COMMD6: variants seen among roughly 807,000 people sequenced by gnomAD.
COMMD6 encodes the protein COMM domain-containing protein 6.
A neutral mutation model predicts 13.4 loss-of-function variants in COMMD6; 11 were observed. The ratio of observed to expected loss-of-function variants is 0.82; its 90% confidence interval spans 0.52 to 1.36. COMMD6 has a LOEUF of 1.36. Ranked by LOEUF, COMMD6 falls within the 40% of genes most tolerant of loss-of-function variation. The pLI is 0.00. For synonymous variants in COMMD6, 43 were observed against 36.5 expected (o/e 1.18, Z -0.64); for missense variants, 124 against 102.4 (o/e 1.21, Z -0.91).
At chr13:75,546,756 T>C (rs868443912) in intron 1 of COMMD6, among the ~76,000 whole-genome samples, 2 of 152,260 alleles carry the variant, frequency 1.3e-5, no homozygotes, top group Non-Finnish European at 2.9e-5. Flanking sequence ...CTATATTTAA[T>C]TGAAAACTGT....
chr13:75,526,647 G>C lies in COMMD6; in HGVS notation c.208-8C>G. The stretch of plus-strand genomic sequence containing the variant: ...GAACTGTCTGTAGAAATTCTGGAGA[G>C]AAAGGGGGAAAATAATATTAATTTT... On this transcript the variant is annotated splice_polypyrimidine_tract_variant and splice_region_variant and intron_variant, in intron 3 of 3. Transcript: ENST00000682242. 3 of 1,587,204 alleles carry C rather than the reference G, an allele frequency of 1.9e-6. No individual in the cohort carries two copies. Among genetic ancestry groups the C allele is most frequent in the Non-Finnish European group, 2.6e-6 (3 of 1,159,916 alleles).
intron 1 of COMMD6, among the ~76,000 whole-genome samples, chr13:75,547,248 C>G: frequency 6.6e-6 from 1 of 151,940 alleles, no homozygotes; most frequent in East Asian, 1.9e-4. Flanking sequence ...AGAGGACTCT[C>G]GTTTCCAGTA....
chr13:75,529,575 C>A (rs2030398251), intron 3 of COMMD6: 1 of 128,244 alleles, frequency 7.8e-6, no homozygotes, highest in African/African-American at 2.6e-5. Flanking sequence ...CCACCTCCCC[C>A]CCACCTTTTA....
intron 2 of COMMD6, among the ~76,000 whole-genome samples, chr13:75,531,971 G>A (rs1409208393): frequency 6.6e-6 from 1 of 152,146 alleles, no homozygotes; most frequent in Non-Finnish European, 1.5e-5. Context: ...AAATAAAATG[G>A]ATAAATGAAA....
chr13:75,544,421 CAT>C (rs1305942358), intron 1 of COMMD6, among the ~76,000 whole-genome samples: 1 of 152,138 alleles, frequency 6.6e-6, no homozygotes, highest in East Asian at 1.9e-4. Context: ...AACTTCAAGA[CAT>C]AGTTTTCAAC....
chr13:75,529,115 A>G (rs929092831), intron 3 of COMMD6, among the ~76,000 whole-genome samples: 2 of 152,234 alleles, frequency 1.3e-5, no homozygotes, highest in African/African-American at 4.8e-5. Context: ...GTACTAGTGT[A>G]AGTGCTAAGA....
chr13:75,527,676 A>C (rs1010783848), intron 3 of COMMD6: 40 of 861,584 alleles, frequency 4.6e-5, no homozygotes, highest in Non-Finnish European at 5.2e-5. Context: ...ACAGCCATAA[A>C]AAAGAAGGAA....
upstream of COMMD6, among the ~76,000 whole-genome samples, chr13:75,542,024 G>C (rs924675607): frequency 1.3e-5 from 2 of 152,158 alleles, no homozygotes; most frequent in Non-Finnish European, 2.9e-5. Context: ...GGAAAAATGA[G>C]GATGATTACA....
chr13:75,536,603 T>C (rs1048185491), intron 2 of COMMD6, among the ~76,000 whole-genome samples: 3 of 152,162 alleles, frequency 2.0e-5, no homozygotes, highest in African/African-American at 7.2e-5. Context: ...AAGCAGAGGC[T>C]GGAATGATGT....
chr13:75,528,430 C>G (rs1485059695), intron 3 of COMMD6, among the ~76,000 whole-genome samples: 2 of 152,134 alleles, frequency 1.3e-5, no homozygotes, highest in Non-Finnish European at 2.9e-5. Context: ...TTCACTAAGT[C>G]TCAGTTCCAA....
intron 2 of COMMD6, among the ~76,000 whole-genome samples, chr13:75,531,949 A>G (rs148349550): frequency 2.0e-5 from 3 of 152,354 alleles, no homozygotes; most frequent in East Asian, 3.9e-4. Context: ...TGAAAACCCA[A>G]ATGTTCAACA....
At chr13:75,538,410 C>T (rs1163030750), upstream of COMMD6, among the ~76,000 whole-genome samples, 1 of 152,232 alleles carries the variant, frequency 6.6e-6, no homozygotes, top group Non-Finnish European at 1.5e-5. Flanking sequence ...GAAGTATCCA[C>T]AGTGATGTTT....
upstream of COMMD6, among the ~76,000 whole-genome samples, chr13:75,539,969 C>CT (rs34796430): frequency 0.21 from 23,955 of 113,686 alleles, 2,812 homozygotes; most frequent in African/African-American, 0.31. Context: ...GCAAGGAAAT[C>CT]TTTTTTTTTT....
At chr13:75,532,659 A>G (rs558706255) in intron 2 of COMMD6, among the ~76,000 whole-genome samples, 37 of 152,252 alleles carry the variant, frequency 2.4e-4, no homozygotes, top group East Asian at 1.9e-4. Flanking sequence ...GTGAAACCCC[A>G]TCTCTACCAA....
At chr13:75,538,478 A>G (rs1054422059), upstream of COMMD6, among the ~76,000 whole-genome samples, 2 of 152,218 alleles carry the variant, frequency 1.3e-5, no homozygotes, top group Non-Finnish European at 2.9e-5. Context: ...ATTGCAAAAA[A>G]TAATTCAATG....
At chr13:75,547,182 T>G (rs2030916978) in intron 1 of COMMD6, among the ~76,000 whole-genome samples, 1 of 152,130 alleles carries the variant, frequency 6.6e-6, no homozygotes, top group Non-Finnish European at 1.5e-5. Context: ...TTTTAAACAT[T>G]GAATTCACTG....
At chr13:75,530,439 G>C in intron 2 of COMMD6, 173 bp from the exon 3 acceptor site, 1 of 500,714 alleles carries the variant, frequency 2.0e-6, no homozygotes, top group Non-Finnish European at 3.5e-6. Flanking sequence ...TGAAAAAATG[G>C]AGAGGTTATA....
intron 2 of COMMD6, among the ~76,000 whole-genome samples, chr13:75,533,032 G>A (rs1401620857): frequency 2.0e-5 from 3 of 150,868 alleles, no homozygotes; most frequent in Admixed American, 6.6e-5. Context: ...CCGGGTTCAC[G>A]CCATTCTCCT....
In COMMD6 at chr13:75,525,328, G is replaced by C. The variant is rs1227262909; in HGVS notation, c.*1261C>G. The stretch of plus-strand genomic sequence containing the variant: ...CCTAGAAATGCTACCCTGCAAACAG[G>C]GAAGGGGAAAGAGGAAGGTGTTAAT... On this transcript the variant is annotated 3_prime_UTR_variant, in exon 4 of 4. Coordinates refer to ENST00000682242, the MANE Select transcript of COMMD6 (RefSeq NM_203495.4). 1.3e-5 allele frequency: 2 copies of C among 152,308 alleles called. 1 individual carries two copies. Among genetic ancestry groups the C allele is most frequent in the East Asian group, 3.9e-4 (2 of 5,186 alleles). 9.4% of individuals were successfully genotyped at this position (152,308 alleles called of 1,614,324 possible). A position where few individuals can be genotyped will look rare whatever the true frequency, so the allele number is the denominator to read the frequency against.
Sources: gnomAD v4.1 joint callset for allele counts (sites outside exome capture counted in the v4.1 genomes callset) on GRCh38, gnomAD v4.1.1 for gene constraint, MANE v1.5 for transcripts, NCBI Gene and HGNC (gene_info 2026-07-23, HGNC 2026-07-21) for gene names.